Variants in ZDHHC11 observed in about 807,000 individuals in gnomAD.
ZDHHC11 encodes zDHHC palmitoyltransferase 11.
In ZDHHC11, 44 loss-of-function variants were observed where a neutral mutation model predicts 51.3. That is an observed-to-expected ratio of 0.86 (90% confidence interval 0.67 to 1.10). The LOEUF is 1.10. ZDHHC11 is among the 50% of genes least tolerant of loss of function. ZDHHC11 has a pLI of 0.00. For synonymous variants in ZDHHC11, 163 were observed against 222.0 expected, an observed-to-expected ratio of 0.73 and a Z score of 2.36; for missense variants, 400 against 537.7, an observed-to-expected ratio of 0.74 and a Z score of 2.53.
chr5:798,438 G>T (rs1737911134), intron 12 of ZDHHC11, among the ~76,000 whole-genome samples: 1 of 151,426 alleles, frequency 6.6e-6, no homozygotes, highest in African/African-American at 2.4e-5. Context: ...CCCTTAACTT[G>T]CTCAGTTTCG....
At chr5:838,694 T>C (rs1439906133) in intron 5 of ZDHHC11, among the ~76,000 whole-genome samples, 1 of 152,206 alleles carries the variant, frequency 6.6e-6, no homozygotes, top group Admixed American at 6.5e-5. Context: ...GTCTGGGCTT[T>C]GCGTTCAAGA....
chr5:801,612 T>G (rs1738432727), intron 11 of ZDHHC11, among the ~76,000 whole-genome samples: 3 of 151,274 alleles, frequency 2.0e-5, no homozygotes, highest in Admixed American at 2.0e-4. Flanking sequence ...ACAGGTGTTT[T>G]GTTCTCTGCC....
chr5:815,976 G>C (rs554844623), intron 10 of ZDHHC11, among the ~76,000 whole-genome samples: 1 of 151,314 alleles, frequency 6.6e-6, no homozygotes, highest in Non-Finnish European at 1.5e-5. Context: ...TGTGGTTTTA[G>C]CTCGTGGATC....
chr5:800,139 T>G (rs1389039192), intron 12 of ZDHHC11, among the ~76,000 whole-genome samples: 2 of 151,278 alleles, frequency 1.3e-5, no homozygotes, highest in Non-Finnish European at 3.0e-5. Context: ...GACCTTGACC[T>G]TCCTCAGGGC....
At chr5:855,120 C>T (rs112744378), upstream of ZDHHC11, among the ~76,000 whole-genome samples, 7,248 of 93,680 alleles carry the variant, frequency 0.077, 203 homozygotes, top group African/African-American at 0.11. Context: ...CAGCGAGCCG[C>T]GGGGACAGAC....
chr5:828,400 C>T (rs1470780388), intron 7 of ZDHHC11, among the ~76,000 whole-genome samples: 2 of 150,798 alleles, frequency 1.3e-5, no homozygotes, highest in South Asian at 2.1e-4. Flanking sequence ...GGCGGCTGGC[C>T]GGGTGGAGGT....
intron 6 of ZDHHC11, among the ~76,000 whole-genome samples, chr5:836,772 T>C (rs1743913587): frequency 6.7e-6 from 1 of 150,036 alleles, no homozygotes; most frequent in African/African-American, 2.5e-5. Context: ...TTAAAAATCA[T>C]GTTTCAGGCC....
At chr5:842,892 G>A (rs1188687743) in intron 4 of ZDHHC11, among the ~76,000 whole-genome samples, 1 of 152,182 alleles carries the variant, frequency 6.6e-6, no homozygotes, top group East Asian at 1.9e-4. Flanking sequence ...ATCCTCACGA[G>A]GCCACCTCCC....
intron 10 of ZDHHC11, chr5:816,422 G>T: frequency 2.3e-6 from 1 of 436,208 alleles, no homozygotes; most frequent in South Asian, 1.7e-5. Context: ...TTCCAGCTGC[G>T]GGACAGGCAG....
chr5:806,832 T>A (rs1739328436), intron 11 of ZDHHC11, among the ~76,000 whole-genome samples: 1 of 151,228 alleles, frequency 6.6e-6, no homozygotes, highest in East Asian at 1.9e-4. Flanking sequence ...CAGTTCACAC[T>A]ACTCGACTGT....
intron 11 of ZDHHC11, among the ~76,000 whole-genome samples, chr5:804,341 A>G (rs1247632601): frequency 7.3e-5 from 11 of 151,358 alleles, no homozygotes; most frequent in African/African-American, 2.7e-4. Context: ...CATAGTGTAT[A>G]CAGGGTTTGG....
intron 7 of ZDHHC11, among the ~76,000 whole-genome samples, chr5:833,483 G>A (rs1743335300): frequency 6.6e-6 from 1 of 151,922 alleles, no homozygotes; most frequent in African/African-American, 2.4e-5. Context: ...TGTTCATGGA[G>A]AGATGTAGAA....
At chr5:844,627 G>A (rs371089696) in intron 3 of ZDHHC11, among the ~76,000 whole-genome samples, 642 of 151,550 alleles carry the variant, frequency 4.2e-3, no homozygotes, top group Admixed American at 8.5e-3. Flanking sequence ...GGAGAGCCAC[G>A]AGAGTGCCGT....
chr5:850,194 C>T (rs1746945144), intron 1 of ZDHHC11, 187 bp downstream of exon 1: 3 of 673,640 alleles, frequency 4.5e-6, no homozygotes, highest in Admixed American at 2.8e-5. Context: ...CTGTCCTGAC[C>T]CTAAGCAGGG....
chr5:797,134 G>A (rs1349635160), intron 12 of ZDHHC11, among the ~76,000 whole-genome samples: 1 of 151,268 alleles, frequency 6.6e-6, no homozygotes, highest in East Asian at 1.9e-4. Flanking sequence ...GTGAACCCGG[G>A]AGGCGGAGTT....
chr5:853,020 C>T (rs1747514699), upstream of ZDHHC11, among the ~76,000 whole-genome samples: 1 of 145,328 alleles, frequency 6.9e-6, no homozygotes, highest in Non-Finnish European at 1.5e-5. Flanking sequence ...CCATGGAGGA[C>T]AGCGAGCAGC....
chr5:819,551 G>A lies in ZDHHC11; in HGVS notation c.1120C>T (p.His374Tyr), dbSNP rs1741292769. ...RRLCQFSTRV[H>Y]PDGGSMAQEA... Reference sequence around the variant, plus strand: ...TGTGCCATCGAGCCCCCGTCTGGGTGTACACGAGTGGAGAACTGACACAGG... The same window carrying A: ...TGTGCCATCGAGCCCCCGTCTGGGTATACACGAGTGGAGAACTGACACAGG... Residue 374 changes from histidine to tyrosine, a missense_variant, in exon 10 of 13, where the codon CAC (histidine) becomes TAC (tyrosine). Around this residue, in one of 5 missense-constraint regions of ZDHHC11, gnomAD observed 231 missense variants for 227.4 expected, o/e 1.02. Transcript: ENST00000283441. 6.2e-7 allele frequency: 1 copy of A among 1,609,960 alleles called. No homozygotes were observed. The highest frequency in any genetic ancestry group is 8.5e-7 in the Non-Finnish European group (1 of 1,176,742).
chr5:853,414 GC>G (rs1579833876), upstream of ZDHHC11, among the ~76,000 whole-genome samples: 2 of 134,738 alleles, frequency 1.5e-5, no homozygotes, highest in Admixed American at 7.3e-5. Flanking sequence ...ACAGTGAGCA[GC>G]GGGGACAGAC....
chr5:816,216 T>A (rs1365764773), intron 10 of ZDHHC11: 3 of 217,826 alleles, frequency 1.4e-5, no homozygotes, highest in African/African-American at 6.9e-5. Context: ...TGAAGGGAAA[T>A]TTTTAAATGC....
Sources: allele counts gnomAD v4.1 joint callset (sites outside exome capture counted in the v4.1 genomes callset), GRCh38; gene constraint gnomAD v4.1.1; regional missense constraint gnomAD v4.1.1; transcripts MANE v1.5; gene names NCBI Gene and HGNC (gene_info 2026-07-23, HGNC 2026-07-21).